Variants in NCKAP5 observed in about 807,000 individuals in gnomAD.
The protein encoded by NCKAP5 is NCK associated protein 5, also known as nck-associated protein 5.
A neutral mutation model predicts 167.0 loss-of-function variants in NCKAP5; 92 were observed. That is an observed-to-expected ratio of 0.55 (90% CI 0.47 to 0.66). The LOEUF (loss-of-function observed/expected upper bound fraction) is 0.66, where lower values mean the gene tolerates loss of function less well. Among genes scored for constraint, NCKAP5 ranks in the 30% least tolerant of loss-of-function variants. The pLI is 0.00. For missense variants in NCKAP5, 2,378 were observed against 2,315.0 expected (o/e 1.03, Z -0.56); for synonymous variants, 891 against 877.4 (o/e 1.02, Z -0.27).
chr2:133,560,819 A>C (rs1688102946), intron 1 of NCKAP5, among the ~76,000 whole-genome samples: 16 of 152,200 alleles, frequency 1.1e-4, no homozygotes. Flanking sequence ...ACTTTTGTTG[A>C]GAGTAAGGCT....
rs1233093124 is a variant in NCKAP5 at position 133,116,505 on chromosome 2, A to G, written c.341+13473T>C. On this transcript the variant is annotated intron_variant, in intron 6 of 19. Transcript: ENST00000409261. ...TCCGTCTCAAAAAAAAAAAAAAAAAAAAAAAAAAAAAGAAAAATTTGTCAG... is the reference window on the plus strand; with the variant it reads ...TCCGTCTCAAAAAAAAAAAAAAAAAGAAAAAAAAAAAGAAAAATTTGTCAG... Among the ~76,000 whole-genome samples, 11 of 85,210 alleles carry G rather than the reference A, an allele frequency of 1.3e-4. 2 individuals are homozygous for G. The highest frequency in any genetic ancestry group is 1.1e-4 in the Non-Finnish European group (5 of 46,008). 55.9% of individuals were successfully genotyped at this position (85,210 alleles called of 152,430 possible). A position where few individuals can be genotyped will look rare whatever the true frequency, so the allele number is the denominator to read the frequency against.
rs1050557279 is a variant in NCKAP5, at chr2:133,407,046, G to C, written c.70-103936C>G. Among the ~76,000 whole-genome samples the C allele has an allele frequency of 3.3e-5, 5 of 152,142 alleles. No homozygotes were observed. In the East Asian group the frequency reaches 9.6e-4, roughly 29 times the overall value. On this transcript the variant is annotated intron_variant, in intron 3 of 19. Transcript: ENST00000409261. ...GCACTTACAGAATATCCCCCTAAAT[G>C]GGAACATCTGGTTTGCCAAAGAGGT...
At chr2:132,992,488 T>A (rs997663607) in intron 7 of NCKAP5, among the ~76,000 whole-genome samples, 3 of 152,262 alleles carry the variant, frequency 2.0e-5, no homozygotes, top group Middle Eastern at 6.8e-3. Flanking sequence ...TGATGCCTGA[T>A]TATTTAGTTT....
intron 11 of NCKAP5, among the ~76,000 whole-genome samples, chr2:132,839,181 TCATA>T (rs1300973635): frequency 6.6e-6 from 1 of 152,204 alleles, no homozygotes; most frequent in East Asian, 1.9e-4. Context: ...TTTTCAAAAA[TCATA>T]CAAAGTTTTA....
At chr2:133,189,085 A>G (rs981135308) in intron 5 of NCKAP5, among the ~76,000 whole-genome samples, 3 of 152,138 alleles carry the variant, frequency 2.0e-5, no homozygotes, top group African/African-American at 7.2e-5. Flanking sequence ...AGACACAATA[A>G]AAAATGATAA....
chr2:133,347,030 A>T (rs1684024501), intron 3 of NCKAP5, among the ~76,000 whole-genome samples: 1 of 152,254 alleles, frequency 6.6e-6, no homozygotes, highest in South Asian at 2.1e-4. Context: ...AAAGGTTGAC[A>T]GCCACCTGTG....
chr2:133,065,915 A>T (rs1000431108), intron 6 of NCKAP5, among the ~76,000 whole-genome samples: 1 of 152,254 alleles, frequency 6.6e-6, no homozygotes, highest in Non-Finnish European at 1.5e-5. Flanking sequence ...TATATAGTTC[A>T]TGTAGCTATT....
intron 6 of NCKAP5, among the ~76,000 whole-genome samples, chr2:133,031,078 C>T (rs1486997513): frequency 6.6e-6 from 1 of 151,766 alleles, no homozygotes; most frequent in Non-Finnish European, 1.5e-5. Flanking sequence ...GTTCCCCCTA[C>T]AAGGACACCA....
intron 3 of NCKAP5, among the ~76,000 whole-genome samples, chr2:133,460,876 T>C (rs926078482): frequency 6.6e-6 from 1 of 152,092 alleles, no homozygotes; most frequent in Non-Finnish European, 1.5e-5. Flanking sequence ...TAAGCCAAAA[T>C]AGAGAATTTA....
chr2:133,526,443 A>T (rs540075430), intron 2 of NCKAP5, among the ~76,000 whole-genome samples: 1 of 152,306 alleles, frequency 6.6e-6, no homozygotes, highest in South Asian at 2.1e-4. Context: ...GAATGAACAA[A>T]TGAACGAGCA....
At position 132,829,954 on chromosome 2, in the gene NCKAP5, T is replaced by G. The variant is rs534725386; in HGVS notation, c.807+30538A>C. 6.6e-5 allele frequency among the ~76,000 whole-genome samples: 10 copies of G among 152,318 alleles called. No individual in the cohort carries two copies. In the South Asian group the frequency reaches 2.1e-3, roughly 32 times the overall value. On this transcript the variant is annotated intron_variant, in intron 11 of 19. Coordinates refer to ENST00000409261, the MANE Select transcript of NCKAP5 (RefSeq NM_207363.3). The stretch of plus-strand genomic sequence containing the variant: ...TTATTTACTCTGTCTGGTGCTCTGG[T>G]AAATTTTCAGGGCCTTTCCAGATTT...
intron 3 of NCKAP5, among the ~76,000 whole-genome samples, chr2:133,467,226 T>A (rs577961306): frequency 4.0e-5 from 6 of 151,028 alleles, no homozygotes; most frequent in Middle Eastern, 6.8e-3. Context: ...TGAAGGGTTG[T>A]TGAATTTTGT....
intron 12 of NCKAP5, among the ~76,000 whole-genome samples, chr2:132,794,239 TATATATATATATATATATATATATAG>T (rs1252252533): frequency 5.7e-5 from 3 of 52,660 alleles, no homozygotes; most frequent in Non-Finnish European, 7.6e-5. Context: ...TATATATATA[TATATATATATATATATATATATATAG>T]AGAGAGAGAG....
intron 8 of NCKAP5, among the ~76,000 whole-genome samples, chr2:132,894,180 A>T (rs767088859): frequency 1.8e-4 from 27 of 152,248 alleles, no homozygotes; most frequent in Non-Finnish European, 4.0e-4. Context: ...CTATTGTAGC[A>T]TTCCTTTCAA....
At chr2:133,617,170 T>C in the NCKAP5 span, among the ~76,000 whole-genome samples, 508 of 152,280 alleles carry the variant, frequency 3.3e-3, 2 homozygotes, top group African/African-American at 0.012. Flanking sequence ...ATAAGAGCTA[T>C]CTAGGACAAA....
chr2:133,255,493 G>A (rs2088570410), intron 4 of NCKAP5, among the ~76,000 whole-genome samples: 1 of 151,804 alleles, frequency 6.6e-6, no homozygotes, highest in Admixed American at 6.6e-5. Flanking sequence ...TCCTTGGGGG[G>A]AGGGGTGTAA....
chr2:133,397,510 T>C (rs1047275153), intron 3 of NCKAP5, among the ~76,000 whole-genome samples: 1 of 152,244 alleles, frequency 6.6e-6, no homozygotes, highest in Admixed American at 6.5e-5. Context: ...TCTTTCTCAT[T>C]GACCTGGTGT....
the NCKAP5 span, among the ~76,000 whole-genome samples, chr2:133,643,249 C>A: frequency 6.6e-6 from 1 of 152,146 alleles, no homozygotes; most frequent in South Asian, 2.1e-4. Flanking sequence ...CCATGAAAAT[C>A]TGAAAGAAAT....
At chr2:132,957,099 G>T (rs573418076) in intron 8 of NCKAP5, among the ~76,000 whole-genome samples, 1 of 152,228 alleles carries the variant, frequency 6.6e-6, no homozygotes, top group South Asian at 2.1e-4. Flanking sequence ...CCTGAACTTT[G>T]TATTTCCACC....
Sources: gnomAD v4.1 joint callset for allele counts (sites outside exome capture counted in the v4.1 genomes callset) on GRCh38, gnomAD v4.1.1 for gene constraint, MANE v1.5 for transcripts, NCBI Gene and HGNC (gene_info 2026-07-23, HGNC 2026-07-21) for gene names.